FBXL7: variants seen among roughly 807,000 people sequenced by gnomAD.
The protein encoded by FBXL7 is F-box/LRR-repeat protein 7.
In FBXL7, 12 loss-of-function variants were observed where a neutral mutation model predicts 38.3. The ratio of observed to expected loss-of-function variants is 0.31; its 90% CI spans 0.20 to 0.51. FBXL7 has a LOEUF of 0.51. Ranked by LOEUF, FBXL7 falls within the 20% of genes least tolerant of loss-of-function variation. FBXL7 has a pLI of 0.98. For synonymous variants in FBXL7, 297 were observed against 300.9 expected, an observed-to-expected ratio of 0.99 and a Z score of 0.13; for missense variants, 567 against 676.4, an observed-to-expected ratio of 0.84 and a Z score of 1.79.
chr5:15,913,810 C>T (rs1741508703), intron 2 of FBXL7, among the ~76,000 whole-genome samples: 1 of 152,148 alleles, frequency 6.6e-6, no homozygotes, highest in Non-Finnish European at 1.5e-5. Flanking sequence ...TGGCTCCTTT[C>T]CCAAGCTTTG....
At chr5:15,683,716 C>A (rs1280651769) in intron 2 of FBXL7, among the ~76,000 whole-genome samples, 3 of 152,106 alleles carry the variant, frequency 2.0e-5, no homozygotes, top group African/African-American at 7.2e-5. Flanking sequence ...GTAGTTTAGA[C>A]CTTGGAAAAT....
chr5:15,693,945 A>G (rs1039263576), intron 2 of FBXL7, among the ~76,000 whole-genome samples: 1 of 152,200 alleles, frequency 6.6e-6, no homozygotes, highest in African/African-American at 2.4e-5. Flanking sequence ...TTTCCGGTAC[A>G]CTAGGGCAAG....
intron 2 of FBXL7, among the ~76,000 whole-genome samples, chr5:15,918,155 C>G (rs1741648505): frequency 1.3e-5 from 2 of 152,090 alleles, no homozygotes; most frequent in Non-Finnish European, 2.9e-5. Flanking sequence ...AGGAGAATCA[C>G]TAGAACCTGG....
At chr5:15,828,381 G>T (rs1428872758) in intron 2 of FBXL7, among the ~76,000 whole-genome samples, 2 of 152,134 alleles carry the variant, frequency 1.3e-5, no homozygotes, top group Non-Finnish European at 2.9e-5. Context: ...GGACACACTT[G>T]TACTAAGAAA....
rs181016255 is a variant in FBXL7 at position 15,633,495 on chromosome 5, A to T, written c.127+17423A>T. On this transcript the variant is annotated intron_variant, in intron 2 of 3. Transcript: ENST00000504595. ...CTAAAAAAATTTTTTTAATCTTAAA[A>T]TTTTTTGCCATTAGATGCACATACT... 3.2e-3 allele frequency among the ~76,000 whole-genome samples: 481 copies of T among 151,990 alleles called. 2 individuals carry two copies. The highest frequency in any genetic ancestry group is 0.011 in the African/African-American group (448 of 41,494).
chr5:15,560,346 G>A (rs1391039233), intron 1 of FBXL7, among the ~76,000 whole-genome samples: 4 of 152,140 alleles, frequency 2.6e-5, no homozygotes, highest in Non-Finnish European at 5.9e-5. Flanking sequence ...ATAATTGACA[G>A]TAGCCAGTGA....
chr5:15,573,794 T>G (rs1738870270), intron 1 of FBXL7, among the ~76,000 whole-genome samples: 1 of 152,336 alleles, frequency 6.6e-6, no homozygotes, highest in East Asian at 1.9e-4. Flanking sequence ...AGGTCATCGG[T>G]ACAAATTAAT....
At chr5:15,700,087 C>T (rs558863941) in intron 2 of FBXL7, among the ~76,000 whole-genome samples, 7 of 152,042 alleles carry the variant, frequency 4.6e-5, no homozygotes, top group Admixed American at 6.5e-5. Context: ...AAGGTGTTGT[C>T]GATGTTTGAT....
intron 2 of FBXL7, among the ~76,000 whole-genome samples, chr5:15,872,252 G>A (rs1295359572): frequency 6.6e-6 from 1 of 152,128 alleles, no homozygotes; most frequent in African/African-American, 2.4e-5. Context: ...GTCACCACCA[G>A]ACCTGCCTTA....
intron 2 of FBXL7, among the ~76,000 whole-genome samples, chr5:15,650,096 T>G (rs1741657914): frequency 6.6e-6 from 1 of 152,192 alleles, no homozygotes; most frequent in Non-Finnish European, 1.5e-5. Flanking sequence ...TATCATGCTT[T>G]CTGGAGTATA....
At position 15,500,585 on chromosome 5, in the gene FBXL7, C is replaced by A. The variant is rs1736460763; in HGVS notation, c.-92C>A. On this transcript the variant is annotated 5_prime_UTR_variant, in exon 1 of 4. Transcript: ENST00000504595. ...TTGGGGGGGATGTGCAGCTAACGGT[C>A]CCGTCGGGCGGGCTTTCCTCGGGCC... is the stretch of plus-strand genomic sequence containing the variant. 1.3e-6 allele frequency: 2 copies of A among 1,564,960 alleles called. No homozygotes were observed. The highest frequency in any genetic ancestry group is 1.7e-5 in the Admixed American group (1 of 59,946).
chr5:15,860,433 G>A (rs1206905968), intron 2 of FBXL7, among the ~76,000 whole-genome samples: 1 of 152,114 alleles, frequency 6.6e-6, no homozygotes, highest in Non-Finnish European at 1.5e-5. Context: ...AAGAAGTCCA[G>A]TGCATCCAGG....
chr5:15,926,031 T>C lies in FBXL7; in HGVS notation c.128-1859T>C, dbSNP rs560697041. 3.9e-5 allele frequency among the ~76,000 whole-genome samples: 6 copies of C among 152,274 alleles called. 1 individual carries two copies. The South Asian group carries it at 6.2e-4, about 16-fold the overall frequency. On this transcript the variant is annotated intron_variant, in intron 2 of 3. Transcript: ENST00000504595. Reference sequence around the variant, plus strand: ...CTATTGTAAGCCTTCAGAGCACATTTAAGGTAGGCTAGGACAAGCAAACAT... The same window carrying C: ...CTATTGTAAGCCTTCAGAGCACATTCAAGGTAGGCTAGGACAAGCAAACAT...
At chr5:15,810,497 G>GT (rs1265881873) in intron 2 of FBXL7, among the ~76,000 whole-genome samples, 1 of 150,834 alleles carries the variant, frequency 6.6e-6, no homozygotes, top group East Asian at 1.9e-4. Context: ...GGAGGCAGAG[G>GT]TTACAGTGAG....
At chr5:15,864,918 G>A (rs1405767377) in intron 2 of FBXL7, among the ~76,000 whole-genome samples, 3 of 152,160 alleles carry the variant, frequency 2.0e-5, no homozygotes, top group African/African-American at 7.2e-5. Context: ...ATTGGCTGCT[G>A]CAGATAAAAA....
intron 1 of FBXL7, among the ~76,000 whole-genome samples, chr5:15,593,976 C>T (rs968440205): frequency 1.4e-4 from 22 of 152,134 alleles, no homozygotes; most frequent in Non-Finnish European, 2.1e-4. Flanking sequence ...ACCTTTTTAA[C>T]CTATGAAAAT....
chr5:15,552,231 C>T (rs1738095763), intron 1 of FBXL7, among the ~76,000 whole-genome samples: 1 of 152,190 alleles, frequency 6.6e-6, no homozygotes, highest in South Asian at 2.1e-4. Context: ...CCATTGGCCA[C>T]TTCTTCCTGT....
intron 2 of FBXL7, among the ~76,000 whole-genome samples, chr5:15,771,513 G>A (rs79267806): frequency 0.028 from 4,200 of 152,232 alleles, 73 homozygotes; most frequent in Non-Finnish European, 0.04. Flanking sequence ...TCAGTACCTT[G>A]GAGTTTATAT....
intron 2 of FBXL7, among the ~76,000 whole-genome samples, chr5:15,790,861 T>C (rs1561127717): frequency 6.6e-6 from 1 of 152,098 alleles, no homozygotes; most frequent in Non-Finnish European, 1.5e-5. Context: ...TCTATGAGAA[T>C]GGTTCTCTGA....
Sources: gnomAD v4.1 joint callset for allele counts (sites outside exome capture counted in the v4.1 genomes callset) on GRCh38, gnomAD v4.1.1 for gene constraint, MANE v1.5 for transcripts, NCBI Gene and HGNC (gene_info 2026-07-23, HGNC 2026-07-21) for gene names.